TENM4: variants seen among roughly 807,000 people sequenced by gnomAD.
TENM4 encodes the protein teneurin transmembrane protein 4.
Under a neutral mutation model 243.3 loss-of-function variants are expected in TENM4, and 82 were observed. The ratio of observed to expected loss-of-function variants is 0.34; its 90% CI spans 0.28 to 0.40. The LOEUF (loss-of-function observed/expected upper bound fraction) is 0.40. Ranked by LOEUF, TENM4 falls within the 10% of genes least tolerant of loss-of-function variation. The pLI, the probability that TENM4 is intolerant of heterozygous loss-of-function variation, is 1.00. For synonymous variants in TENM4, 1,412 were observed against 1,456.3 expected (o/e 0.97, Z 0.69); for missense variants, 3,138 against 3,673.3 (o/e 0.85, Z 3.77).
intron 3 of TENM4, among the ~76,000 whole-genome samples, chr11:79,200,572 G>T (rs1863719053): frequency 6.6e-6 from 1 of 152,186 alleles, no homozygotes. Context: ...ATCACTGTGT[G>T]GCCAGGCCTG....
chr11:78,758,935 G>A (rs1009882569), intron 18 of TENM4, among the ~76,000 whole-genome samples: 1 of 152,174 alleles, frequency 6.6e-6, no homozygotes, highest in South Asian at 2.1e-4. Flanking sequence ...AAGAGTAAGT[G>A]TCAAACAAGT....
At position 78,863,082 on chromosome 11, in the gene TENM4, T is replaced by C. The variant is rs1230639071; in HGVS notation, c.1135A>G (p.Met379Val). Residue 379 changes from methionine (M) to valine (V), a missense_variant, in exon 10 of 34, where the codon ATG (methionine) becomes GTG (valine). This residue lies in a region of TENM4 where 671 missense variants were observed against 614.1 expected (regional missense o/e 1.09). Transcript: ENST00000278550. ...NWHLQPMEGQ[M>V]YEITEDTASS... is the part of the protein sequence containing the mutation. ...GCTGTGTCCTCCGTGATCTCATACA[T>C]CTGCCCCTCCATCGGCTGCAGGTGC... 1.3e-6 allele frequency: 2 copies of C among 1,533,054 alleles called. No individual in the cohort carries two copies. The highest frequency in any genetic ancestry group is 1.8e-6 in the Non-Finnish European group (2 of 1,133,260). 95.0% of individuals were successfully genotyped at this position (1,533,054 alleles called of 1,614,324 possible).
rs568148325 is a variant in TENM4 at position 78,947,999 on chromosome 11, C to T, written c.494-44476G>A. 3.9e-5 allele frequency among the ~76,000 whole-genome samples: 6 copies of T among 152,264 alleles called. No individual in the cohort carries two copies. In the South Asian group the frequency reaches 1.2e-3, roughly 32 times the overall value. Reference sequence around the variant, plus strand: ...ATGAAAAAAAGCACCCAATCTCACCCGTCCCAAGAAATCTTTCCAAAACCC... The same window carrying T: ...ATGAAAAAAAGCACCCAATCTCACCTGTCCCAAGAAATCTTTCCAAAACCC... On this transcript the variant is annotated intron_variant, in intron 6 of 33. Transcript: ENST00000278550.
chr11:78,921,115 G>A (rs1856438785), intron 6 of TENM4, among the ~76,000 whole-genome samples: 1 of 152,170 alleles, frequency 6.6e-6, no homozygotes. Flanking sequence ...CCAAGCACAG[G>A]GTCTTTCTAC....
At chr11:79,026,383 A>G (rs1316357411) in intron 6 of TENM4, among the ~76,000 whole-genome samples, 2 of 152,194 alleles carry the variant, frequency 1.3e-5, no homozygotes, top group Non-Finnish European at 2.9e-5. Flanking sequence ...ATCAGGTAGC[A>G]GGGAACTAAC....
intron 7 of TENM4, among the ~76,000 whole-genome samples, chr11:78,901,835 T>C (rs1201886850): frequency 6.6e-6 from 1 of 152,188 alleles, no homozygotes; most frequent in South Asian, 2.1e-4. Context: ...ATTAAGAGAC[T>C]GGAGGCGGGA....
At chr11:78,701,417 G>A in intron 28 of TENM4, 109 bp downstream of exon 28, 1 of 1,353,372 alleles carries the variant, frequency 7.4e-7, no homozygotes, top group Non-Finnish European at 9.9e-7. Context: ...ATAAGTAATA[G>A]TTTTTATCCC....
chr11:79,115,680 T>A (rs1861603469), intron 4 of TENM4, among the ~76,000 whole-genome samples: 1 of 152,200 alleles, frequency 6.6e-6, no homozygotes, highest in Non-Finnish European at 1.5e-5. Flanking sequence ...TGGCCTCAGA[T>A]GCTGTCCCTA....
At position 78,669,541 on chromosome 11, in the gene TENM4, G is replaced by A. The variant is rs905910032; in HGVS notation, c.6804C>T (p.Ile2268=). Reference sequence around the variant, plus strand: ...GCAGGCCAGCTGAGTTGTACTCAAAGATATCACCGCCCCGCTGCCTCAGGA... The same window carrying A: ...GCAGGCCAGCTGAGTTGTACTCAAAAATATCACCGCCCCGCTGCCTCAGGA... The part of the protein sequence containing the change: ...DGFLRQRGGD[I]FEYNSAGLLI... Residue 2268 remains isoleucine (I), a synonymous_variant, in exon 32 of 34, where the codon ATC becomes ATT. Transcript: ENST00000278550. This position sits in a 1 kb window ranked among gnomAD's most constrained non-coding sequence, Gnocchi z 6.4. The A allele has an allele frequency of 2.5e-6, 4 of 1,613,844 alleles. No homozygotes were observed. In the African/African-American group the frequency reaches 4.0e-5, roughly 16 times the overall value.
At chr11:79,099,835 C>T (rs983410232) in intron 4 of TENM4, among the ~76,000 whole-genome samples, 1 of 152,224 alleles carries the variant, frequency 6.6e-6, no homozygotes, top group African/African-American at 2.4e-5. Context: ...CTGTACCCAT[C>T]TATCTGCCTA....
At chr11:79,293,096 T>G (rs1330561047) in intron 2 of TENM4, among the ~76,000 whole-genome samples, 2 of 152,120 alleles carry the variant, frequency 1.3e-5, no homozygotes, top group African/African-American at 4.8e-5. Context: ...CTATCACTAA[T>G]GGGTGACAAC....
intron 6 of TENM4, 67 bp downstream of exon 6, chr11:79,064,671 C>A: frequency 6.5e-7 from 1 of 1,534,564 alleles, no homozygotes; most frequent in Non-Finnish European, 8.8e-7. Flanking sequence ...AGCAGGAAAT[C>A]AATATTATAA....
intron 8 of TENM4, among the ~76,000 whole-genome samples, chr11:78,891,003 C>T (rs1855651895): frequency 6.6e-6 from 1 of 152,190 alleles, no homozygotes; most frequent in South Asian, 2.1e-4. Flanking sequence ...TTTGGAATGG[C>T]AACGGCAGCC....
chr11:78,746,273 C>T (rs574807440), intron 19 of TENM4, among the ~76,000 whole-genome samples: 3 of 152,336 alleles, frequency 2.0e-5, no homozygotes, highest in South Asian at 2.1e-4. Context: ...GCCATGGTGC[C>T]GTGACACCAC....
chr11:79,296,744 C>T (rs770897726), intron 2 of TENM4, among the ~76,000 whole-genome samples: 11 of 152,198 alleles, frequency 7.2e-5, no homozygotes, highest in Admixed American at 1.3e-4. Context: ...TTTCAGCCAT[C>T]GTTTTCTCCT....
At chr11:79,175,091 C>A (rs536620864) in intron 3 of TENM4, among the ~76,000 whole-genome samples, 1 of 152,166 alleles carries the variant, frequency 6.6e-6, no homozygotes, top group Non-Finnish European at 1.5e-5. Flanking sequence ...ACTTCTTGAA[C>A]AAATACCCTA....
Position 78,934,272 on chromosome 11 carries a change from A to T in TENM4, c.494-30749T>A, listed in dbSNP as rs551655032. On this transcript the variant is annotated intron_variant, in intron 6 of 33. Coordinates refer to ENST00000278550, the MANE Select transcript of TENM4 (RefSeq NM_001098816.3). ...ATCCTAGAGAATCAGAGAGGCAATT[A>T]AACCTGACATGCTTATCTTAAAAGG... Among the ~76,000 whole-genome samples the T allele has an allele frequency of 7.2e-5, 11 of 152,340 alleles. No individual in the cohort carries two copies. The South Asian group carries it at 2.1e-3, about 29-fold the overall frequency.
intron 6 of TENM4, among the ~76,000 whole-genome samples, chr11:78,981,225 T>A (rs528701716): frequency 6.6e-6 from 1 of 152,356 alleles, no homozygotes; most frequent in South Asian, 2.1e-4. Context: ...TCAAGTGTCA[T>A]CTATTATTCT....
At chr11:78,666,290 T>A (rs1858158927) in intron 32 of TENM4, among the ~76,000 whole-genome samples, 1 of 152,242 alleles carries the variant, frequency 6.6e-6, no homozygotes, top group African/African-American at 2.4e-5. Context: ...ATGACCAGCA[T>A]TTTTATTGAA....
Sources: allele counts gnomAD v4.1 joint callset (sites outside exome capture counted in the v4.1 genomes callset), GRCh38; gene constraint gnomAD v4.1.1; regional missense constraint gnomAD v4.1.1; non-coding constraint Gnocchi (gnomAD v3.1); transcripts MANE v1.5; gene names NCBI Gene and HGNC (gene_info 2026-07-23, HGNC 2026-07-21).